The following STEAP3 variants were observed in gnomAD, a reference collection of about 807,000 sequenced individuals.
STEAP3 encodes the protein STEAP3 metalloreductase, also known as metalloreductase STEAP3.
Under a neutral mutation model 34.9 loss-of-function variants are expected in STEAP3, and 35 were observed. The ratio of observed to expected loss-of-function variants is 1.00; its 90% confidence interval spans 0.76 to 1.33. The LOEUF (loss-of-function observed/expected upper bound fraction) is 1.33. STEAP3 is among the 40% of genes most tolerant of loss of function. STEAP3 has a pLI of 0.00. For synonymous variants in STEAP3, 281 were observed against 301.6 expected, an observed-to-expected ratio of 0.93 and a Z score of 0.71; for missense variants, 652 against 667.6, an observed-to-expected ratio of 0.98 and a Z score of 0.26.
chr2:119,263,365 G>C lies in STEAP3; in HGVS notation c.*27G>C. 6.2e-7 allele frequency: 1 copy of C among 1,602,552 alleles called. No individual in the cohort carries two copies. The highest frequency in any genetic ancestry group is 1.1e-5 in the South Asian group (1 of 89,560). On this transcript the variant is annotated 3_prime_UTR_variant, in exon 6 of 6. Transcript: ENST00000393110. ...GTGCCTGCCCTGGGCTCTGGACCCC[G>C]GGCACACGAGGGACGGTGCCCTGAG...
At position 119,245,353 on chromosome 2, in the gene STEAP3, C is replaced by A. The variant is rs553687223; in HGVS notation, c.23-136C>A. On this transcript the variant is annotated intron_variant, in intron 2 of 5. Coordinates refer to ENST00000393110, the MANE Select transcript of STEAP3 (RefSeq NM_182915.3). ...GTTCAGCTTGTTCCCCTGGTGCTGA[C>A]ACGTGGTAGCACTCGGTGAACACCT... The A allele has an allele frequency of 4.6e-6, 6 of 1,290,940 alleles. No individual in the cohort carries two copies. The African/African-American group carries it at 7.4e-5, about 16-fold the overall frequency. 80.0% of individuals were successfully genotyped at this position (1,290,940 alleles called of 1,614,324 possible). A position where few individuals can be genotyped will look rare whatever the true frequency, so the allele number is the denominator to read the frequency against.
chr2:119,247,308 C>T (rs540217496), intron 3 of STEAP3, among the ~76,000 whole-genome samples: 1 of 152,318 alleles, frequency 6.6e-6, no homozygotes, highest in Non-Finnish European at 1.5e-5. Flanking sequence ...TTTTGCTGAG[C>T]GGCTCCCAGG....
At position 119,230,709 on chromosome 2, in the gene STEAP3, T is replaced by C. The variant is rs1314595253; in HGVS notation, c.-304T>C. 2.0e-6 allele frequency: 1 copy of C among 501,666 alleles called. No individual in the cohort carries two copies. The highest frequency in any genetic ancestry group is 3.6e-6 in the Non-Finnish European group (1 of 274,882). 31.1% of individuals were successfully genotyped at this position (501,666 alleles called of 1,614,324 possible). On this transcript the variant is annotated 5_prime_UTR_variant, in exon 2 of 6. Transcript: ENST00000393110. Reference sequence around the variant, plus strand: ...AAGAGACTTGAGTCTGAGCCACTAATTATCACCCGTGAGGTTTCCTCCCCG... The same window carrying C: ...AAGAGACTTGAGTCTGAGCCACTAACTATCACCCGTGAGGTTTCCTCCCCG...
chr2:119,243,254 G>A (rs1677303651), intron 2 of STEAP3, among the ~76,000 whole-genome samples: 1 of 152,194 alleles, frequency 6.6e-6, no homozygotes, highest in African/African-American at 2.4e-5. Flanking sequence ...AGGAACACAT[G>A]TCCCCTGACT....
chr2:119,248,056 C>A lies in STEAP3; in HGVS notation c.900C>A (p.Arg300=), dbSNP rs1283508935. ...TGCGGCGCGGCACCAAGTACCAGCG[C>A]TTCCCCGACTGGCTGGACCACTGGC... ...LQLRRGTKYQ[R]FPDWLDHWLQ... Residue 300 remains arginine, a synonymous_variant, in exon 4 of 6, where the codon CGC becomes CGA. Coordinates refer to ENST00000393110, the MANE Select transcript of STEAP3 (RefSeq NM_182915.3). 6.2e-7 allele frequency: 1 copy of A among 1,608,728 alleles called. No individual in the cohort carries two copies. Among genetic ancestry groups the A allele is most frequent in the African/African-American group, 1.3e-5 (1 of 74,924 alleles).
intron 1 of STEAP3, among the ~76,000 whole-genome samples, chr2:119,228,184 G>A (rs1679101561): frequency 6.6e-6 from 1 of 152,162 alleles, no homozygotes; most frequent in Non-Finnish European, 1.5e-5. Flanking sequence ...GCTGTGGGGA[G>A]TGGTGCGTGA....
intron 1 of STEAP3, among the ~76,000 whole-genome samples, chr2:119,224,095 T>C (rs76042632): frequency 0.018 from 2,739 of 152,178 alleles, 47 homozygotes; most frequent in Non-Finnish European, 0.028. Context: ...GTGCCTTCCT[T>C]CCCTAGGCGT....
chr2:119,238,792 C>T (rs1269492187), intron 2 of STEAP3, among the ~76,000 whole-genome samples: 1 of 152,142 alleles, frequency 6.6e-6, no homozygotes, highest in Non-Finnish European at 1.5e-5. Flanking sequence ...GGATGAGGAT[C>T]TGATTTTGTA....
rs1304975439 is a variant in STEAP3, at chr2:119,245,619, C to A, written c.153C>A (p.Arg51=). The A allele has an allele frequency of 4.3e-6, 7 of 1,610,158 alleles. No individual in the cohort carries two copies. Residue 51 remains arginine (R), a synonymous_variant, in exon 3 of 6, where the codon CGC becomes CGA. Coordinates refer to ENST00000393110, the MANE Select transcript of STEAP3 (RefSeq NM_182915.3). ...TCCTGGGTAGCGGGGACTTTGCCCG[C>A]TCCCTGGCCACACGCCTGGTGGGCT... ...VGILGSGDFA[R]SLATRLVGSG... is the part of the protein sequence containing the mutation.
chr2:119,259,819 C>T (rs546031326), intron 5 of STEAP3, among the ~76,000 whole-genome samples: 53 of 152,356 alleles, frequency 3.5e-4, no homozygotes, highest in Non-Finnish European at 5.9e-4. Context: ...GCCCACGACA[C>T]AGAGGTGGGC....
At chr2:119,257,852 A>G in intron 5 of STEAP3, 2 of 538,982 alleles carry the variant, frequency 3.7e-6, no homozygotes, top group Non-Finnish European at 2.4e-6. Flanking sequence ...TGCTTTTGTT[A>G]CCGGAAAAGG....
At chr2:119,242,714 T>C (rs1319062237) in intron 2 of STEAP3, among the ~76,000 whole-genome samples, 1 of 152,186 alleles carries the variant, frequency 6.6e-6, no homozygotes, top group Non-Finnish European at 1.5e-5. Context: ...ACTTATTTAC[T>C]CCTACAACCT....
At position 119,248,112 on chromosome 2, in the gene STEAP3, G is replaced by C; in HGVS notation, c.956G>C (p.Ser319Thr). Residue 319 changes from serine to threonine, a missense_variant, in exon 4 of 6, where the codon AGC (serine) becomes ACC (threonine). Physicochemically the swap from Ser to Thr is moderately conservative, Grantham distance 58. Transcript: ENST00000393110. ...CACCGCAAGCAGATCGGGCTGCTCA[G>C]CTTCTTCTGCGCCGCCCTGCACGCC... The part of the protein sequence containing the change: ...LQHRKQIGLL[S>T]FFCAALHALY... 1 of 1,608,700 alleles carries C rather than the reference G, an allele frequency of 6.2e-7. No homozygotes were observed. The highest frequency in any genetic ancestry group is 8.5e-7 in the Non-Finnish European group (1 of 1,179,930).
At chr2:119,245,275 T>C (rs1467792656) in intron 2 of STEAP3, 3 of 590,238 alleles carry the variant, frequency 5.1e-6, no homozygotes, top group Non-Finnish European at 8.5e-6. Context: ...AGGGCAGAAG[T>C]CATCCCTGCT....
Position 119,265,023 on chromosome 2 carries a change from G to T in STEAP3, c.*1685G>T, listed in dbSNP as rs1292082775. On this transcript the variant is annotated 3_prime_UTR_variant, in exon 6 of 6. Transcript: ENST00000393110. Reference sequence around the variant, plus strand: ...TGTCTCATAAATTGGCACTGATGGAGCATCAGCTGTGGCCCACAGAGAGCC... The same window carrying T: ...TGTCTCATAAATTGGCACTGATGGATCATCAGCTGTGGCCCACAGAGAGCC... 6.6e-6 allele frequency: 1 copy of T among 152,252 alleles called. No individual in the cohort carries two copies. Among genetic ancestry groups the T allele is most frequent in the African/African-American group, 2.4e-5 (1 of 41,458 alleles). 9.4% of individuals were successfully genotyped at this position (152,252 alleles called of 1,614,324 possible).
At chr2:119,242,023 C>T (rs760889838) in intron 2 of STEAP3, among the ~76,000 whole-genome samples, 1 of 152,206 alleles carries the variant, frequency 6.6e-6, no homozygotes, top group African/African-American at 2.4e-5. Context: ...CTCTAGCTGC[C>T]CTATGTCCAG....
Position 119,263,292 on chromosome 2 carries a change from C to T in STEAP3, c.1451C>T (p.Thr484Met), listed in dbSNP as rs35619518. ...GWERESTIKF[T>M]LPTDHALAEK... ...GAGAGGGAGAGCACCATCAAGTTCA[C>T]GCTGCCCACAGACCACGCCCTGGCC... The change falls in exon 6 of 6, where the codon ACG becomes ATG. Residue 484 changes from threonine to methionine, a missense_variant. Thr to Met is a moderately conservative substitution (Grantham distance 81). Transcript: ENST00000393110. 357 of 1,613,916 alleles carry T rather than the reference C, an allele frequency of 2.2e-4. No individual in the cohort carries two copies. The African/African-American group carries it at 4.1e-3, about 19-fold the overall frequency.
intron 4 of STEAP3, among the ~76,000 whole-genome samples, chr2:119,252,128 C>G (rs2104834447): frequency 6.6e-6 from 1 of 152,298 alleles, no homozygotes; most frequent in East Asian, 1.9e-4. Context: ...GGAGCAAGAA[C>G]TAGTCTAACT....
At chr2:119,243,087 C>T (rs1239997494) in intron 2 of STEAP3, among the ~76,000 whole-genome samples, 2 of 152,236 alleles carry the variant, frequency 1.3e-5, no homozygotes, top group Admixed American at 1.3e-4. Flanking sequence ...CCACCCCCAT[C>T]TGTGGACTCG....
Sources: gnomAD v4.1 joint callset for allele counts (sites outside exome capture counted in the v4.1 genomes callset) on GRCh38, gnomAD v4.1.1 for gene constraint, MANE v1.5 for transcripts, NCBI Gene and HGNC (gene_info 2026-07-23, HGNC 2026-07-21) for gene names.